HTT: variants seen among roughly 807,000 people sequenced by gnomAD.
The protein encoded by HTT is huntington disease protein.
In HTT, 104 loss-of-function variants were observed where a neutral mutation model predicts 362.3. That is an observed-to-expected ratio of 0.29 (90% CI 0.24 to 0.34). The LOEUF is 0.34. HTT is among the 10% of genes least tolerant of loss of function. The pLI is 1.00. For missense variants in HTT, 3,301 were observed against 3,928.6 expected (o/e 0.84, Z 4.27); for synonymous variants, 1,577 against 1,548.7 (o/e 1.02, Z -0.43).
Position 3,199,853 on chromosome 4 carries a change from G to C in HTT, c.5490G>C (p.Pro1830=), listed in dbSNP as rs746742974. Residue 1830 remains proline (P), a synonymous_variant, in exon 41 of 67, where the codon CCG becomes CCC. Transcript: ENST00000355072. ...LRARSMITTH[P]ALVLLWCQIL... is the part of the protein sequence containing the mutation. ...CTCGTTCCATGATCACCACCCACCC[G>C]GCCCTGGTGCTGCTCTGGTGTCAGA... The C allele has an allele frequency of 4.3e-6, 7 of 1,613,964 alleles. No homozygotes were observed. The Admixed American group carries it at 1.0e-4, about 23-fold the overall frequency.
intron 51 of HTT, among the ~76,000 whole-genome samples, chr4:3,216,597 C>T (rs537061981): frequency 3.9e-5 from 6 of 152,190 alleles, no homozygotes; most frequent in South Asian, 2.1e-4. Flanking sequence ...GTTAGAGCAA[C>T]GGGCCCTGAA....
At chr4:3,108,962 C>G (rs917444819) in intron 6 of HTT, among the ~76,000 whole-genome samples, 1 of 151,694 alleles carries the variant, frequency 6.6e-6, no homozygotes, top group Non-Finnish European at 1.5e-5. Context: ...ACAGGAGGCT[C>G]GGTTGAGCCC....
At chr4:3,082,252 T>G (rs1712951494) in intron 1 of HTT, among the ~76,000 whole-genome samples, 1 of 152,210 alleles carries the variant, frequency 6.6e-6, no homozygotes, top group African/African-American at 2.4e-5. Flanking sequence ...AGGTCTCACA[T>G]TTTTGTGGCT....
In HTT at chr4:3,132,239, A is replaced by G. The variant is rs141856121; in HGVS notation, c.2237-323A>G. Among the ~76,000 whole-genome samples, 2 of 152,162 alleles carry G rather than the reference A, an allele frequency of 1.3e-5. 1 individual carries two copies. Among genetic ancestry groups the G allele is most frequent in the Non-Finnish European group, 2.9e-5 (2 of 67,998 alleles). ...ACACTTGTGTTTTTGAATTTATATG[A>G]GGTAAGTGTGTAATAGGGTTTTTTC... On this transcript the variant is annotated intron_variant, in intron 16 of 66. Transcript: ENST00000355072.
intron 4 of HTT, 22 bp downstream of exon 4, chr4:3,103,905 T>C (rs780581292): frequency 2.0e-6 from 3 of 1,504,102 alleles, no homozygotes; most frequent in Non-Finnish European, 2.8e-6. Context: ...TTTTCTTTTT[T>C]AAAAATGTTT....
intron 56 of HTT, 104 bp from the exon 57 acceptor site, chr4:3,225,557 C>G: frequency 1.0e-6 from 1 of 973,786 alleles, no homozygotes; most frequent in East Asian, 2.7e-5. Context: ...GGGCAGGTGG[C>G]TCACGGCTGG....
Position 3,125,575 on chromosome 4 carries a change from G to T in HTT, c.1348G>T (p.Ala450Ser). Reference sequence around the variant, plus strand: ...CAAAGTGCTCTTAGGAGAAGAAGAAGCCTTGGAGGATGACTCTGAATCGAG... The same window carrying T: ...CAAAGTGCTCTTAGGAGAAGAAGAATCCTTGGAGGATGACTCTGAATCGAG... ...KGKVLLGEEE[A>S]LEDDSESRSD... Residue 450 changes from alanine (A) to serine (S), a missense_variant, in exon 11 of 67, where the codon GCC becomes TCC. This residue lies in a region of HTT where 2,316 missense variants were observed against 2,658.5 expected (regional missense o/e 0.87). Transcript: ENST00000355072. 6.2e-7 allele frequency: 1 copy of T among 1,613,820 alleles called. No individual in the cohort carries two copies. Among genetic ancestry groups the T allele is most frequent in the Non-Finnish European group, 8.5e-7 (1 of 1,179,708 alleles).
At position 3,209,125 on chromosome 4, in the gene HTT, G is replaced by C. The variant is rs373187038; in HGVS notation, c.6291+214G>C. Among the ~76,000 whole-genome samples the C allele has an allele frequency of 1.6e-4, 25 of 152,314 alleles. No homozygotes were observed. In the East Asian group the frequency reaches 3.1e-3, roughly 19 times the overall value. On this transcript the variant is annotated intron_variant, in intron 46 of 66. Transcript: ENST00000355072. ...TGGGACCCTTTTGGTAGGAGTGTGG[G>C]GTGAGTAGTTAGTGGGTGAATCAAG... is the stretch of plus-strand genomic sequence containing the variant.
At position 3,204,087 on chromosome 4, in the gene HTT, T is replaced by C. The variant is rs2110266819; in HGVS notation, c.5657T>C (p.Leu1886Pro). The C allele has an allele frequency of 6.2e-7, 1 of 1,614,142 alleles. No homozygotes were observed. Among genetic ancestry groups the C allele is most frequent in the East Asian group, 2.2e-5 (1 of 44,886 alleles). ...GAGGATTCTGACTTGGCAGCCAAACTTGGAATGTGCAATAGAGAAATAGTA... is the reference window on the plus strand; with the variant it reads ...GAGGATTCTGACTTGGCAGCCAAACCTGGAATGTGCAATAGAGAAATAGTA... ...EEEDSDLAAK[L>P]GMCNREIVRR... is the part of the protein sequence containing the mutation. The change falls in exon 42 of 67, where the codon CTT becomes CCT. Residue 1886 changes from leucine (L) to proline (P), a missense_variant. Physicochemically the swap from Leu to Pro is moderately conservative, Grantham distance 98. This residue lies in a region of HTT where 2,316 missense variants were observed against 2,658.5 expected (regional missense o/e 0.87). Coordinates refer to ENST00000355072, the MANE Select transcript of HTT (RefSeq NM_001388492.1).
At position 3,172,317 on chromosome 4, in the gene HTT, C is replaced by A; in HGVS notation, c.3865-3C>A. 6.4e-7 allele frequency: 1 copy of A among 1,560,780 alleles called. No homozygotes were observed. On this transcript the variant is annotated splice_region_variant and splice_polypyrimidine_tract_variant and intron_variant, in intron 29 of 66. Coordinates refer to ENST00000355072, the MANE Select transcript of HTT (RefSeq NM_001388492.1). The stretch of plus-strand genomic sequence containing the variant: ...GCTTAATGTCTCACTTGTCTTTCTA[C>A]AGTGTGTTGAAGAGATCCTAGGATA...
At position 3,206,618 on chromosome 4, in the gene HTT, T is replaced by C. The variant is rs772163663; in HGVS notation, c.5841T>C (p.Ser1947=). ...TCATCAGTGCCGTTCATCGGAACTC[T>C]GCTGCCAGCGGCCTGTTCATCCAGG... The part of the protein sequence containing the change: ...QDFISAVHRN[S]AASGLFIQAI... The change falls in exon 43 of 67, where the codon TCT becomes TCC. Residue 1947 remains serine, a synonymous_variant. Coordinates refer to ENST00000355072, the MANE Select transcript of HTT (RefSeq NM_001388492.1). This position sits in a 1 kb window ranked among gnomAD's most constrained non-coding sequence, Gnocchi z 4.6. 3.7e-6 allele frequency: 6 copies of C among 1,614,224 alleles called. No homozygotes were observed. The South Asian group carries it at 6.6e-5, about 18-fold the overall frequency.
intron 59 of HTT, among the ~76,000 whole-genome samples, chr4:3,229,637 A>G (rs781061326): frequency 6.6e-4 from 99 of 150,662 alleles, no homozygotes; most frequent in Admixed American, 1.5e-3. Flanking sequence ...CACACACACC[A>G]CATGCGCACA....
intron 53 of HTT, 74 bp downstream of exon 53, chr4:3,220,382 T>C (rs1478811236): frequency 1.4e-6 from 2 of 1,440,808 alleles, no homozygotes; most frequent in East Asian, 4.6e-5. Context: ...CCCCCAGTAC[T>C]GGGATCTTCT....
At position 3,131,747 on chromosome 4, in the gene HTT, A is replaced by C. The variant is rs780228204; in HGVS notation, c.2208A>C (p.Lys736Asn). ...HPESFFSKLY[K>N]VPLDTTEYPE... Reference sequence around the variant, plus strand: ...AATCTTTCTTCAGCAAACTCTATAAAGTTCCTCTTGACACCACGGAATACC... The same window carrying C: ...AATCTTTCTTCAGCAAACTCTATAACGTTCCTCTTGACACCACGGAATACC... The change falls in exon 16 of 67, where the codon AAA becomes AAC. Residue 736 changes from lysine (K) to asparagine (N), a missense_variant. Around this residue, in one of 4 missense-constraint regions of HTT, gnomAD observed 2,316 missense variants for 2,658.5 expected, o/e 0.87. Coordinates refer to ENST00000355072, the MANE Select transcript of HTT (RefSeq NM_001388492.1). 1.9e-6 allele frequency: 3 copies of C among 1,614,120 alleles called. No homozygotes were observed. In the South Asian group the frequency reaches 3.3e-5, roughly 18 times the overall value.
Position 3,086,931 on chromosome 4 carries a change from A to T in HTT, c.264-8A>T, listed in dbSNP as rs777262506. The T allele has an allele frequency of 1.3e-6, 2 of 1,538,554 alleles. No homozygotes were observed. The highest frequency in any genetic ancestry group is 4.5e-5 in the East Asian group (2 of 44,484). ...ACATATTAATTTCCTTCTTTTTTTT[A>T]TTTTTAGAAAGAAAGAACTTTCAGC... On this transcript the variant is annotated splice_region_variant and splice_polypyrimidine_tract_variant and intron_variant, in intron 1 of 66. Coordinates refer to ENST00000355072, the MANE Select transcript of HTT (RefSeq NM_001388492.1).
At chr4:3,182,278 A>G (rs1158915473) in intron 36 of HTT, 76 bp from the exon 37 acceptor site, 8 of 887,478 alleles carry the variant, frequency 9.0e-6, no homozygotes, top group Admixed American at 3.6e-5. Context: ...AACTGGGACA[A>G]GTATAACAGA....
intron 64 of HTT, among the ~76,000 whole-genome samples, chr4:3,238,010 T>C (rs1025197716): frequency 2.6e-5 from 4 of 152,380 alleles, no homozygotes; most frequent in South Asian, 2.1e-4. Flanking sequence ...TCTTTTGTTA[T>C]GATTTTTAAA....
chr4:3,147,985 T>C lies in HTT; in HGVS notation c.3296-20T>C. On this transcript the variant is annotated intron_variant, in intron 25 of 66. Transcript: ENST00000355072. ...CCATGCTATTGGGGTGGAGAGGTAATGTCTGTGCCCATATCACAGCCAGTG... is the reference window on the plus strand; with the variant it reads ...CCATGCTATTGGGGTGGAGAGGTAACGTCTGTGCCCATATCACAGCCAGTG... The C allele has an allele frequency of 6.3e-7, 1 of 1,594,810 alleles. No homozygotes were observed. Among genetic ancestry groups the C allele is most frequent in the Non-Finnish European group, 8.6e-7 (1 of 1,167,614 alleles).
At position 3,236,272 on chromosome 4, in the gene HTT, A is replaced by G. The variant is rs1196107072; in HGVS notation, c.8891+18A>G. 1 of 1,536,346 alleles carries G rather than the reference A, an allele frequency of 6.5e-7. No homozygotes were observed. Among genetic ancestry groups the G allele is most frequent in the Non-Finnish European group, 9.0e-7 (1 of 1,109,054 alleles). On this transcript the variant is annotated intron_variant, in intron 64 of 66. Transcript: ENST00000355072. ...TTTGATAGGTAAGAAGCGAAGCCCC[A>G]TCCCTCAGCCGTTAGCTTCCCTAGA...
Sources: allele counts gnomAD v4.1 joint callset (sites outside exome capture counted in the v4.1 genomes callset), GRCh38; gene constraint gnomAD v4.1.1; regional missense constraint gnomAD v4.1.1; non-coding constraint Gnocchi (gnomAD v3.1); transcripts MANE v1.5; gene names NCBI Gene and HGNC (gene_info 2026-07-23, HGNC 2026-07-21).